The following CNTN3 variants were observed in gnomAD, a reference collection of about 807,000 sequenced individuals.
CNTN3 encodes contactin-3.
CNTN3 carries 60 observed loss-of-function variants against 119.1 expected under a neutral mutation model. The observed-to-expected ratio is 0.50, with a 90% confidence interval of 0.41 to 0.62. CNTN3 has a LOEUF of 0.62. CNTN3 is among the 20% of genes least tolerant of loss of function. The probability of loss-of-function intolerance (pLI) is 0.00; values close to 1 mark genes in which losing one functional copy is unlikely to be tolerated. For synonymous variants in CNTN3, 450 were observed against 438.7 expected (o/e 1.03, Z -0.32); for missense variants, 1,101 against 1,242.4 (o/e 0.89, Z 1.71).
chr3:74,598,854 A>C (rs995135352), intron 1 of CNTN3, among the ~76,000 whole-genome samples: 9 of 152,032 alleles, frequency 5.9e-5, no homozygotes, highest in African/African-American at 1.7e-4. Flanking sequence ...GCATTCAGAG[A>C]AATTTCGCAG....
chr3:74,328,826 T>C (rs1284739740), intron 13 of CNTN3, among the ~76,000 whole-genome samples: 1 of 152,188 alleles, frequency 6.6e-6, no homozygotes, highest in Non-Finnish European at 1.5e-5. Flanking sequence ...TTCAACGACG[T>C]GGGTTCAAGA....
In CNTN3 at chr3:74,263,053, ATAT is replaced by A. The variant is rs1701605150; in HGVS notation, c.*1345_*1347del. 1 of 152,138 alleles carries A rather than the reference ATAT, an allele frequency of 6.6e-6. No homozygotes were observed. Among genetic ancestry groups the A allele is most frequent in the South Asian group, 2.1e-4 (1 of 4,838 alleles). 9.4% of individuals were successfully genotyped at this position (152,138 alleles called of 1,614,324 possible). A position where few individuals can be genotyped will look rare whatever the true frequency, so the allele number is the denominator to read the frequency against. On this transcript the variant is annotated 3_prime_UTR_variant, in exon 23 of 23. Coordinates refer to ENST00000263665, the MANE Select transcript of CNTN3 (RefSeq NM_020872.3). Reference sequence around the variant, plus strand: ...TTATCTGAACTGTTTTCTAATTCTGATATTGTTGGAAATGTGAACAAGTTTCTG... The same window carrying A: ...TTATCTGAACTGTTTTCTAATTCTGATGTTGGAAATGTGAACAAGTTTCTG...
At chr3:74,370,043 C>T (rs372704842) in intron 6 of CNTN3, 52 bp from the exon 7 acceptor site, 1 of 999,880 alleles carries the variant, frequency 1.0e-6, no homozygotes, top group Non-Finnish European at 1.5e-6. Flanking sequence ...TTTAGAATTG[C>T]CTCGTTTTTC....
intron 1 of CNTN3, among the ~76,000 whole-genome samples, chr3:74,556,228 C>A (rs367559044): frequency 2.6e-5 from 4 of 152,090 alleles, no homozygotes; most frequent in African/African-American, 9.7e-5. Flanking sequence ...GTTGTGTCAC[C>A]ATCATCACTA....
Position 74,264,332 on chromosome 3 carries a change from T to C in CNTN3, c.*69A>G, listed in dbSNP as rs574184642. On this transcript the variant is annotated 3_prime_UTR_variant, in exon 23 of 23. Transcript: ENST00000263665. ...AGTTGAAAAAAACATGCATAATCAC[T>C]GCATTTCATGAAAGCACTTTTTTTG... 2 of 693,404 alleles carry C rather than the reference T, an allele frequency of 2.9e-6. No individual in the cohort carries two copies. The highest frequency in any genetic ancestry group is 1.9e-5 in the African/African-American group (1 of 53,400). 43.0% of individuals were successfully genotyped at this position (693,404 alleles called of 1,614,324 possible).
intron 5 of CNTN3, among the ~76,000 whole-genome samples, chr3:74,381,880 A>G (rs1470829801): frequency 6.6e-6 from 1 of 152,158 alleles, no homozygotes; most frequent in Non-Finnish European, 1.5e-5. Flanking sequence ...GAAAATTCTC[A>G]TTTGTTTAAT....
In CNTN3 at chr3:74,334,740, C is replaced by T. The variant is rs1181024842; in HGVS notation, c.1663G>A (p.Gly555Ser). 1 of 1,612,644 alleles carries T rather than the reference C, an allele frequency of 6.2e-7. No individual in the cohort carries two copies. The highest frequency in any genetic ancestry group is 1.7e-5 in the Admixed American group (1 of 59,848). Residue 555 changes from glycine to serine, a missense_variant, in exon 13 of 23, where the codon GGT (glycine) becomes AGT (serine). Physicochemically the swap from Gly to Ser is moderately conservative, Grantham distance 56. Transcript: ENST00000263665. ...KKDGSHFEKV[G>S]GSSSGDLMIR... ...AGGAAAGTGCCACAACTTACCCCAC[C>T]AACTTTCTCAAAGTGAGATCCATCT...
At chr3:74,496,004 T>A (rs1330186132) in intron 3 of CNTN3, among the ~76,000 whole-genome samples, 2 of 152,100 alleles carry the variant, frequency 1.3e-5, no homozygotes, top group Admixed American at 6.6e-5. Context: ...TATTCATCTG[T>A]ACTGTCAAAT....
At chr3:74,276,444 C>G (rs1181615349) in intron 20 of CNTN3, among the ~76,000 whole-genome samples, 1 of 152,142 alleles carries the variant, frequency 6.6e-6, no homozygotes, top group African/African-American at 2.4e-5. Context: ...AGCACTCTCT[C>G]AGACCACAGT....
chr3:74,280,873 A>G (rs931032609), intron 20 of CNTN3, among the ~76,000 whole-genome samples: 1 of 152,192 alleles, frequency 6.6e-6, no homozygotes, highest in African/African-American at 2.4e-5. Flanking sequence ...ATGCACAAGG[A>G]TAAAACAGGG....
intron 5 of CNTN3, among the ~76,000 whole-genome samples, chr3:74,400,535 G>C (rs1018800971): frequency 6.6e-6 from 1 of 152,108 alleles, no homozygotes; most frequent in Non-Finnish European, 1.5e-5. Flanking sequence ...AGTTTTATAC[G>C]AACGTGCACT....
At chr3:74,562,264 C>T (rs1032492387) in intron 1 of CNTN3, among the ~76,000 whole-genome samples, 3 of 152,176 alleles carry the variant, frequency 2.0e-5, no homozygotes, top group Non-Finnish European at 4.4e-5. Context: ...CAAAGTTTTA[C>T]AAAGTCAGAA....
At chr3:74,299,532 A>G (rs523111) in intron 17 of CNTN3, among the ~76,000 whole-genome samples, 47,884 of 152,028 alleles carry the variant, frequency 0.31, 8,388 homozygotes, top group East Asian at 0.72. Flanking sequence ...GGTGACCCTG[A>G]GCAAATTATT....
intron 13 of CNTN3, among the ~76,000 whole-genome samples, chr3:74,312,941 T>C (rs1487530916): frequency 6.7e-6 from 1 of 149,724 alleles, no homozygotes; most frequent in African/African-American, 2.5e-5. Context: ...TAAACAAACA[T>C]GTAAGAAAAG....
At chr3:74,319,317 G>C (rs867477774) in intron 13 of CNTN3, among the ~76,000 whole-genome samples, 6 of 152,140 alleles carry the variant, frequency 3.9e-5, no homozygotes, top group Non-Finnish European at 5.9e-5. Context: ...CCAAAACAGA[G>C]ATATAGATCA....
intron 5 of CNTN3, among the ~76,000 whole-genome samples, chr3:74,413,739 T>A (rs1174035238): frequency 6.6e-6 from 1 of 152,166 alleles, no homozygotes; most frequent in African/African-American, 2.4e-5. Context: ...GAAAACTTCA[T>A]GCATGATTCA....
chr3:74,495,812 A>T (rs1703052175), intron 3 of CNTN3, among the ~76,000 whole-genome samples: 1 of 152,084 alleles, frequency 6.6e-6, no homozygotes, highest in Non-Finnish European at 1.5e-5. Flanking sequence ...AATGATATTT[A>T]GCCCTTACAA....
At chr3:74,539,738 G>T (rs573843014) in intron 1 of CNTN3, among the ~76,000 whole-genome samples, 2 of 152,082 alleles carry the variant, frequency 1.3e-5, no homozygotes, top group African/African-American at 2.4e-5. Context: ...CTCCATTAAG[G>T]CTCTAAGAAG....
intron 10 of CNTN3, among the ~76,000 whole-genome samples, chr3:74,363,536 T>C (rs1704121887): frequency 6.6e-6 from 1 of 152,128 alleles, no homozygotes; most frequent in African/African-American, 2.4e-5. Context: ...ACTTAAATCA[T>C]GCAGGGCCTT....
Sources: allele counts gnomAD v4.1 joint callset (sites outside exome capture counted in the v4.1 genomes callset), GRCh38; gene constraint gnomAD v4.1.1; transcripts MANE v1.5; gene names NCBI Gene and HGNC (gene_info 2026-07-23, HGNC 2026-07-21).